SGCZ: variants seen among roughly 807,000 people sequenced by gnomAD.
The protein encoded by SGCZ is sarcoglycan zeta, also known as zeta-sarcoglycan.
Under a neutral mutation model 41.3 loss-of-function variants are expected in SGCZ, and 40 were observed. That is an observed-to-expected ratio of 0.97 (90% confidence interval 0.75 to 1.26). The LOEUF is 1.26. Ranked by LOEUF, SGCZ falls within the 50% of genes most tolerant of loss-of-function variation. The pLI is 0.00. For missense variants in SGCZ, 552 were observed against 369.8 expected (o/e 1.49, Z -4.04); for synonymous variants, 206 against 137.5 (o/e 1.50, Z -3.49).
intron 1 of SGCZ, among the ~76,000 whole-genome samples, chr8:14,788,515 G>A (rs1207401299): frequency 1.3e-5 from 2 of 152,188 alleles, no homozygotes; most frequent in East Asian, 1.9e-4. Flanking sequence ...TCTGGGGACA[G>A]TAGCTTAACT....
At chr8:14,608,458 C>T (rs560635366) in intron 1 of SGCZ, among the ~76,000 whole-genome samples, 3 of 151,478 alleles carry the variant, frequency 2.0e-5, no homozygotes, top group African/African-American at 7.3e-5. Flanking sequence ...AGGCGGGGGG[C>T]AGATGTGTCA....
chr8:14,981,321 G>A (rs947340652), intron 1 of SGCZ, among the ~76,000 whole-genome samples: 1 of 152,070 alleles, frequency 6.6e-6, no homozygotes. Context: ...AACTGAATAC[G>A]TTGTCTTTTC....
At chr8:14,441,819 C>CT (rs909390832) in intron 2 of SGCZ, among the ~76,000 whole-genome samples, 12 of 152,170 alleles carry the variant, frequency 7.9e-5, no homozygotes, top group African/African-American at 1.9e-4. Flanking sequence ...GTTTCTATAG[C>CT]TTTTTTTAAC....
Position 14,291,324 on chromosome 8 carries a change from G to A in SGCZ, c.336+32779C>T, listed in dbSNP as rs1277873294. Among the ~76,000 whole-genome samples, 23 of 144,844 alleles carry A rather than the reference G, an allele frequency of 1.6e-4. No individual in the cohort carries two copies. The Admixed American group carries it at 1.6e-3, about 10-fold the overall frequency. Reference sequence around the variant, plus strand: ...TTTAATATTCTTACTGCAAAGAAATGATAAATTTTTAAGGTGATAGATATG... The same window carrying A: ...TTTAATATTCTTACTGCAAAGAAATAATAAATTTTTAAGGTGATAGATATG... On this transcript the variant is annotated intron_variant, in intron 3 of 7. Transcript: ENST00000382080.
chr8:15,128,591 G>C (rs1807788799), intron 1 of SGCZ, among the ~76,000 whole-genome samples: 1 of 152,128 alleles, frequency 6.6e-6, no homozygotes, highest in South Asian at 2.1e-4. Flanking sequence ...CTGGTGACAA[G>C]GTTGAATCTC....
At chr8:15,110,329 A>G (rs1806999789) in intron 1 of SGCZ, among the ~76,000 whole-genome samples, 1 of 152,218 alleles carries the variant, frequency 6.6e-6, no homozygotes, top group African/African-American at 2.4e-5. Context: ...ATTCGGCTCT[A>G]GAGACTTTAG....
chr8:14,537,123 T>A (rs1421649344), intron 2 of SGCZ, among the ~76,000 whole-genome samples: 1 of 151,902 alleles, frequency 6.6e-6, no homozygotes, highest in Admixed American at 6.6e-5. Flanking sequence ...ACTATCCATC[T>A]CCTGGTTAAA....
chr8:14,706,722 T>A (rs963940722), intron 1 of SGCZ, among the ~76,000 whole-genome samples: 1 of 152,136 alleles, frequency 6.6e-6, no homozygotes, highest in Non-Finnish European at 1.5e-5. Context: ...ATTCTTATAA[T>A]ACTAACACTA....
At chr8:15,044,791 C>T (rs1006920439) in intron 1 of SGCZ, among the ~76,000 whole-genome samples, 4 of 152,004 alleles carry the variant, frequency 2.6e-5, no homozygotes, top group African/African-American at 4.8e-5. Flanking sequence ...GGAAGACCTA[C>T]CTCCTACCAA....
At chr8:14,726,202 G>A (rs143830990) in intron 1 of SGCZ, among the ~76,000 whole-genome samples, 1 of 149,596 alleles carries the variant, frequency 6.7e-6, no homozygotes, top group South Asian at 2.1e-4. Context: ...GGCAGAGGTT[G>A]CAGTGAGCAG....
intron 2 of SGCZ, among the ~76,000 whole-genome samples, chr8:14,549,253 T>C (rs1803726688): frequency 6.6e-6 from 1 of 152,090 alleles, no homozygotes; most frequent in Non-Finnish European, 1.5e-5. Context: ...AGGACTGTAC[T>C]TTCACTGAAA....
intron 1 of SGCZ, among the ~76,000 whole-genome samples, chr8:14,897,772 G>C (rs1805256014): frequency 6.6e-6 from 1 of 152,130 alleles, no homozygotes; most frequent in Non-Finnish European, 1.5e-5. Flanking sequence ...CATGTGTGAT[G>C]TCTCTATCCT....
At chr8:14,591,914 A>G (rs1805253973) in intron 1 of SGCZ, among the ~76,000 whole-genome samples, 1 of 152,148 alleles carries the variant, frequency 6.6e-6, no homozygotes, top group African/African-American at 2.4e-5. Context: ...CAGGGACTTC[A>G]TTACAGCCAC....
chr8:15,152,554 G>C (rs892522079), intron 1 of SGCZ, among the ~76,000 whole-genome samples: 1 of 152,142 alleles, frequency 6.6e-6, no homozygotes, highest in Non-Finnish European at 1.5e-5. Flanking sequence ...TGTGAAACAC[G>C]ACAGAAGAGC....
chr8:15,166,885 T>C (rs557200593), intron 1 of SGCZ, among the ~76,000 whole-genome samples: 77 of 152,108 alleles, frequency 5.1e-4, no homozygotes, highest in Non-Finnish European at 9.7e-4. Context: ...TAAAGGAAAA[T>C]GTACAGGATT....
intron 7 of SGCZ, among the ~76,000 whole-genome samples, chr8:14,093,625 A>G (rs1353863359): frequency 1.3e-5 from 2 of 152,120 alleles, no homozygotes; most frequent in African/African-American, 4.8e-5. Context: ...TATGGATGGG[A>G]GGTAGCTTTC....
intron 3 of SGCZ, among the ~76,000 whole-genome samples, chr8:14,272,051 T>C (rs1382912519): frequency 2.0e-5 from 3 of 152,332 alleles, no homozygotes; most frequent in Non-Finnish European, 4.4e-5. Context: ...TTGCCCATGC[T>C]GGAGTTCAGT....
At position 15,126,017 on chromosome 8, in the gene SGCZ, G is replaced by A. The variant is rs1399428708; in HGVS notation, c.39+111568C>T. Among the ~76,000 whole-genome samples the A allele has an allele frequency of 3.3e-5, 5 of 152,252 alleles. No homozygotes were observed. In the East Asian group the frequency reaches 5.8e-4, roughly 18 times the overall value. On this transcript the variant is annotated intron_variant, in intron 1 of 7. Transcript: ENST00000382080. ...AAAAATTAGCCGGGCGTGCTAGTGCGCACCTGTACTCCCAGCTACTCGGGA... is the reference window on the plus strand; with the variant it reads ...AAAAATTAGCCGGGCGTGCTAGTGCACACCTGTACTCCCAGCTACTCGGGA...
chr8:15,160,603 T>C (rs1359242019), intron 1 of SGCZ, among the ~76,000 whole-genome samples: 2 of 152,170 alleles, frequency 1.3e-5, no homozygotes, highest in South Asian at 4.1e-4. Flanking sequence ...CCTATAGCCC[T>C]CTCCCAATTT....
Sources: allele counts gnomAD v4.1 joint callset (sites outside exome capture counted in the v4.1 genomes callset), GRCh38; gene constraint gnomAD v4.1.1; transcripts MANE v1.5; gene names NCBI Gene and HGNC (gene_info 2026-07-23, HGNC 2026-07-21).